Variants in ADK observed in about 807,000 individuals in gnomAD.
ADK encodes adenosine kinase, also known as N6,N6-dimethyladenosine kinase.
ADK carries 24 observed loss-of-function variants against 44.7 expected under a neutral mutation model. That is an observed-to-expected ratio of 0.54 (90% CI 0.39 to 0.76). The LOEUF (loss-of-function observed/expected upper bound fraction) is 0.76, where lower values mean the gene tolerates loss of function less well. ADK is among the 30% of genes least tolerant of loss of function. The pLI is 0.00. For synonymous variants in ADK, 128 were observed against 142.6 expected, an observed-to-expected ratio of 0.90 and a Z score of 0.73; for missense variants, 321 against 425.1, an observed-to-expected ratio of 0.76 and a Z score of 2.15.
At chr10:74,479,452 T>C (rs1430533399) in intron 6 of ADK, among the ~76,000 whole-genome samples, 2 of 151,274 alleles carry the variant, frequency 1.3e-5, no homozygotes, top group East Asian at 3.9e-4. Flanking sequence ...CCACTTTGAA[T>C]TGGTTTGTTT....
At position 74,454,793 on chromosome 10, in the gene ADK, A is replaced by C. The variant is rs1484956710; in HGVS notation, c.555+56214A>C. On this transcript the variant is annotated intron_variant, in intron 6 of 10. Transcript: ENST00000539909. ...TCAATGGTGAAATGATAGGGTATGA[A>C]GTAAATGTAGTAAACTGGGTGAAAC... is the stretch of plus-strand genomic sequence containing the variant. Among the ~76,000 whole-genome samples, 5 of 152,210 alleles carry C rather than the reference A, an allele frequency of 3.3e-5. No homozygotes were observed. The East Asian group carries it at 9.6e-4, about 29-fold the overall frequency.
chr10:74,177,754 G>A (rs566131368), intron 1 of ADK, among the ~76,000 whole-genome samples: 1 of 151,984 alleles, frequency 6.6e-6, no homozygotes, highest in East Asian at 1.9e-4. Context: ...AATAAAATAA[G>A]CTCATTTTTG....
intron 9 of ADK, among the ~76,000 whole-genome samples, chr10:74,659,059 AT>A (rs1854599950): frequency 6.6e-6 from 1 of 152,098 alleles, no homozygotes; most frequent in African/African-American, 2.4e-5. Context: ...TATAAAAAAA[AT>A]AAAAATAAAT....
At chr10:74,521,741 C>A (rs549855229) in intron 6 of ADK, among the ~76,000 whole-genome samples, 1 of 152,264 alleles carries the variant, frequency 6.6e-6, no homozygotes, top group East Asian at 1.9e-4. Flanking sequence ...CGTTTTAATT[C>A]TCCAAGTGAC....
rs371962095 is a variant in ADK, at chr10:74,211,581, A to G, written c.140+10743A>G. On this transcript the variant is annotated intron_variant, in intron 2 of 10. Coordinates refer to ENST00000539909, the MANE Select transcript of ADK (RefSeq NM_006721.4). Reference sequence around the variant, plus strand: ...ACCATGTAGAAGTCAATAAAGTACAAATGAAATCTGGGGTCAGTATCTTTG... The same window carrying G: ...ACCATGTAGAAGTCAATAAAGTACAGATGAAATCTGGGGTCAGTATCTTTG... Among the ~76,000 whole-genome samples the G allele has an allele frequency of 3.8e-4, 58 of 152,300 alleles. 2 individuals are homozygous for G. The highest frequency in any genetic ancestry group is 1.4e-3 in the African/African-American group (57 of 41,584).
chr10:74,232,548 A>ACCC (rs771970272), intron 3 of ADK, among the ~76,000 whole-genome samples: 2 of 64,444 alleles, frequency 3.1e-5, no homozygotes, highest in Non-Finnish European at 6.1e-5. Context: ...ACCCCCCCGC[A>ACCC]CCCCCCCCCC....
chr10:74,450,440 CT>C (rs1192107974), intron 6 of ADK, among the ~76,000 whole-genome samples: 1 of 152,178 alleles, frequency 6.6e-6, no homozygotes, highest in Non-Finnish European at 1.5e-5. Context: ...GCAGTTTTGT[CT>C]GCTCTTCAAT....
At chr10:74,232,659 T>C (rs535034748) in intron 3 of ADK, among the ~76,000 whole-genome samples, 2 of 151,612 alleles carry the variant, frequency 1.3e-5, no homozygotes, top group South Asian at 4.2e-4. Flanking sequence ...GGAGTCTTGC[T>C]CTGTCACCCA....
chr10:74,248,208 A>G (rs1344127242), intron 3 of ADK, among the ~76,000 whole-genome samples: 1 of 152,230 alleles, frequency 6.6e-6, no homozygotes, highest in Non-Finnish European at 1.5e-5. Context: ...ACTTTCTAGT[A>G]GTAAAGAAAT....
At chr10:74,538,132 A>G (rs531202699) in intron 7 of ADK, among the ~76,000 whole-genome samples, 9 of 152,114 alleles carry the variant, frequency 5.9e-5, no homozygotes, top group Non-Finnish European at 1.2e-4. Context: ...GCACGCGCCT[A>G]TAGTCCCAGC....
chr10:74,246,409 G>A (rs746662214), intron 3 of ADK, among the ~76,000 whole-genome samples: 7 of 152,214 alleles, frequency 4.6e-5, no homozygotes, highest in Admixed American at 2.6e-4. Context: ...AGTAGAGTGT[G>A]TGTTCTAATG....
intron 8 of ADK, among the ~76,000 whole-genome samples, chr10:74,595,404 T>TAAAA (rs1851873960): frequency 9.7e-6 from 1 of 103,188 alleles, no homozygotes; most frequent in African/African-American, 3.8e-5. Flanking sequence ...GGGAGGGGGT[T>TAAAA]TGGCTTTGTC....
At chr10:74,424,459 G>C (rs1844709480) in intron 6 of ADK, among the ~76,000 whole-genome samples, 2 of 142,112 alleles carry the variant, frequency 1.4e-5, no homozygotes, top group South Asian at 4.4e-4. Context: ...GCTTGAACCT[G>C]GGAGGTGGAG....
intron 9 of ADK, among the ~76,000 whole-genome samples, chr10:74,669,964 C>T (rs541204163): frequency 3.3e-5 from 5 of 152,238 alleles, no homozygotes; most frequent in East Asian, 3.9e-4. Context: ...TCTCATAAGA[C>T]GTATACAGCA....
At chr10:74,675,797 A>C (rs1489197796) in intron 10 of ADK, among the ~76,000 whole-genome samples, 4 of 152,184 alleles carry the variant, frequency 2.6e-5, no homozygotes, top group Non-Finnish European at 5.9e-5. Context: ...TGAGAAGAAA[A>C]ATCATAACAA....
At chr10:74,404,674 A>G (rs964585913) in intron 6 of ADK, among the ~76,000 whole-genome samples, 2 of 152,078 alleles carry the variant, frequency 1.3e-5, no homozygotes, top group Non-Finnish European at 1.5e-5. Flanking sequence ...CCATTCCCCA[A>G]ATTTTGCTGC....
At chr10:74,432,130 C>G (rs573475104) in intron 6 of ADK, among the ~76,000 whole-genome samples, 1 of 151,870 alleles carries the variant, frequency 6.6e-6, no homozygotes, top group African/African-American at 2.4e-5. Flanking sequence ...GGAGGTCAAG[C>G]CTGCAGTGAT....
chr10:74,170,630 C>T (rs377476633), intron 1 of ADK, among the ~76,000 whole-genome samples: 1 of 151,656 alleles, frequency 6.6e-6, no homozygotes, highest in Non-Finnish European at 1.5e-5. Flanking sequence ...AACCCTGTCT[C>T]TACTAAAAAT....
rs369379462 is a variant in ADK at position 74,215,739 on chromosome 10, C to T, written c.141-8799C>T. On this transcript the variant is annotated intron_variant, in intron 2 of 10. Transcript: ENST00000539909. ...AGAGTGCAGTGGCTCGATCTCGGCT[C>T]ACTGCAAGCTCTGCCTCCTGGGTTC... Among the ~76,000 whole-genome samples the T allele has an allele frequency of 3.0e-4, 44 of 147,724 alleles. 2 individuals carry two copies. The East Asian group carries it at 8.7e-3, about 29-fold the overall frequency.
Sources: allele counts gnomAD v4.1 joint callset (sites outside exome capture counted in the v4.1 genomes callset), GRCh38; gene constraint gnomAD v4.1.1; transcripts MANE v1.5; gene names NCBI Gene and HGNC (gene_info 2026-07-23, HGNC 2026-07-21).